FMR1NB: variants seen among roughly 807,000 people sequenced by gnomAD.
FMR1NB encodes the protein FMR1 neighbor.
In FMR1NB, 10 loss-of-function variants were observed where a neutral mutation model predicts 16.8. The ratio of observed to expected loss-of-function variants is 0.60; its 90% CI spans 0.37 to 1.01. FMR1NB has a LOEUF of 1.01. Among genes scored for constraint, FMR1NB ranks in the 50% least tolerant of loss-of-function variants. The pLI, the probability that FMR1NB is intolerant of heterozygous loss-of-function variation, is 0.01. For missense variants in FMR1NB, 205 were observed against 204.8 expected (o/e 1.00, Z 0.00); for synonymous variants, 83 against 79.1 (o/e 1.05, Z -0.26).
intron 1 of FMR1NB, among the ~76,000 whole-genome samples, chrX:147,991,784 TC>T (rs1417048571): frequency 9.3e-6 from 1 of 107,613 alleles, no homozygotes; most frequent in Non-Finnish European, 1.9e-5. Flanking sequence ...TCTCTGGTTT[TC>T]CTAGGCAGAG....
chrX:147,997,507 A>G (rs1293427471), intron 1 of FMR1NB, among the ~76,000 whole-genome samples: 1 of 112,516 alleles, frequency 8.9e-6, no homozygotes, highest in Non-Finnish European at 1.9e-5. Flanking sequence ...TAAAAACCCT[A>G]GAAGAAAACC....
intron 4 of FMR1NB, among the ~76,000 whole-genome samples, chrX:148,018,501 G>A (rs180800231): frequency 9.0e-6 from 1 of 111,523 alleles, no homozygotes. Context: ...ACAGAACAGA[G>A]CCCTCAGAAG....
At chrX:147,999,704 T>C (rs2044561508) in intron 1 of FMR1NB, among the ~76,000 whole-genome samples, 1 of 111,558 alleles carries the variant, frequency 9.0e-6, no homozygotes, top group Admixed American at 9.6e-5. Flanking sequence ...TGTAGTAAGC[T>C]CCATGAGGGC....
At chrX:148,012,177 G>C (rs1393659979) in intron 4 of FMR1NB, among the ~76,000 whole-genome samples, 3 of 82,245 alleles carry the variant, frequency 3.6e-5, no homozygotes, top group Non-Finnish European at 7.0e-5. Context: ...GGAATTCTAA[G>C]GGGAAGAGAA....
chrX:148,002,502 GATA>G (rs1392442806), intron 1 of FMR1NB, among the ~76,000 whole-genome samples: 3 of 111,867 alleles, frequency 2.7e-5, no homozygotes, highest in Non-Finnish European at 5.6e-5. Context: ...AAGCTTCAGT[GATA>G]ATCATTGCAA....
At chrX:147,982,790 A>G (rs2044456963) in intron 1 of FMR1NB, among the ~76,000 whole-genome samples, 1 of 109,698 alleles carries the variant, frequency 9.1e-6, no homozygotes, top group Admixed American at 9.7e-5. Flanking sequence ...GCTACTTGGG[A>G]GGCTGAGGCC....
chrX:147,988,603 C>T (rs2044488549), intron 1 of FMR1NB, among the ~76,000 whole-genome samples: 1 of 111,665 alleles, frequency 9.0e-6, no homozygotes, highest in Admixed American at 9.5e-5. Flanking sequence ...AGTGTGTTTT[C>T]CAACTTTGTT....
chrX:147,997,692 T>C (rs2124617346), intron 1 of FMR1NB, among the ~76,000 whole-genome samples: 1 of 110,972 alleles, frequency 9.0e-6, no homozygotes, highest in African/African-American at 3.3e-5. Flanking sequence ...TGGGAGAAAA[T>C]TTTTGCAATC....
rs1015044759 is a variant in FMR1NB, at chrX:147,981,619, A to T, written c.217A>T (p.Met73Leu). Residue 73 changes from methionine (M) to leucine (L), a missense_variant, in exon 1 of 6, where the codon ATG becomes TTG. Met to Leu is a conservative substitution (Grantham distance 15, BLOSUM62 2). Coordinates refer to ENST00000370467, the MANE Select transcript of FMR1NB (RefSeq NM_152578.3). ...GGTCAGCAAACCCTTTGGGATGCTC[A>T]TGCTCTCCATTTGGATCCTGCTGTT... ...MRVSKPFGML[M>L]LSIWILLFVC... 1 of 1,206,551 alleles carries T rather than the reference A, an allele frequency of 8.3e-7. No homozygotes were observed. The highest frequency in any genetic ancestry group is 1.8e-5 in the African/African-American group (1 of 56,142).
At position 148,018,010 on chromosome X, in the gene FMR1NB, G is replaced by A. The variant is rs782494066; in HGVS notation, c.633-6855G>A. Among the ~76,000 whole-genome samples the A allele has an allele frequency of 2.8e-5, 3 of 106,470 alleles. No homozygotes were observed. In the Admixed American group the frequency reaches 3.0e-4, roughly 11 times the overall value. 92.5% of individuals were successfully genotyped at this position (106,470 alleles called of 115,157 possible). The stretch of plus-strand genomic sequence containing the variant: ...TGCCGCAATAAACATACGTGTGCAT[G>A]TGTCTTTATAGCAGCATGATTTATA... On this transcript the variant is annotated intron_variant, in intron 4 of 5. Coordinates refer to ENST00000370467, the MANE Select transcript of FMR1NB (RefSeq NM_152578.3).
At chrX:148,005,884 A>G (rs1557189049) in intron 2 of FMR1NB, among the ~76,000 whole-genome samples, 1 of 112,442 alleles carries the variant, frequency 8.9e-6, no homozygotes, top group African/African-American at 3.2e-5. Context: ...TGATTATAAA[A>G]TATCAGTTAC....
In FMR1NB at chrX:147,987,711, A is replaced by G. The variant is rs781907004; in HGVS notation, c.277+6032A>G. ...TGTAGGAATTTGTTTTATGAATCTGAGTGCTCCTGTATTGGGTGCATATGT... is the reference window on the plus strand; with the variant it reads ...TGTAGGAATTTGTTTTATGAATCTGGGTGCTCCTGTATTGGGTGCATATGT... On this transcript the variant is annotated intron_variant, in intron 1 of 5. Transcript: ENST00000370467. 2.2e-3 allele frequency among the ~76,000 whole-genome samples: 250 copies of G among 111,395 alleles called. 2 individuals are homozygous for G. Among genetic ancestry groups the G allele is most frequent in the African/African-American group, 7.9e-3 (242 of 30,647 alleles).
intron 2 of FMR1NB, 107 bp from the exon 3 acceptor site, chrX:148,006,595 G>A (rs1253707400): frequency 2.4e-6 from 2 of 836,699 alleles, no homozygotes; most frequent in East Asian, 3.2e-5. Flanking sequence ...AGCTGTATAT[G>A]CCATTAAATG....
chrX:148,022,664 AG>A (rs2044685283), intron 4 of FMR1NB, among the ~76,000 whole-genome samples: 1 of 111,460 alleles, frequency 9.0e-6, no homozygotes, highest in African/African-American at 3.3e-5. Flanking sequence ...ATTGCCTATT[AG>A]GTAGAATAGC....
Position 147,994,553 on chromosome X carries a change from A to T in FMR1NB, c.278-8648A>T, listed in dbSNP as rs564698394. 4.4e-4 allele frequency among the ~76,000 whole-genome samples: 50 copies of T among 112,508 alleles called. 2 individuals are homozygous for T. The South Asian group carries it at 0.018, about 41-fold the overall frequency. On this transcript the variant is annotated intron_variant, in intron 1 of 5. Coordinates refer to ENST00000370467, the MANE Select transcript of FMR1NB (RefSeq NM_152578.3). ...CTGTATTTGTAATAGTACAATACTA[A>T]AAGTCTTCTTATCCTCTAAAAAAGT...
intron 1 of FMR1NB, among the ~76,000 whole-genome samples, chrX:147,996,979 TA>T (rs1199727863): frequency 8.9e-6 from 1 of 111,887 alleles, no homozygotes; most frequent in African/African-American, 3.2e-5. Flanking sequence ...AGGATGACAT[TA>T]TTCTTCATAT....
chrX:147,989,171 G>T (rs904664427), intron 1 of FMR1NB, among the ~76,000 whole-genome samples: 1 of 111,734 alleles, frequency 8.9e-6, no homozygotes, highest in Admixed American at 9.5e-5. Context: ...GAAGAACTTT[G>T]GATGGGATTT....
Position 148,003,336 on chromosome X carries a change from A to T in FMR1NB, c.397+16A>T. On this transcript the variant is annotated intron_variant, in intron 2 of 5. Coordinates refer to ENST00000370467, the MANE Select transcript of FMR1NB (RefSeq NM_152578.3). Reference sequence around the variant, plus strand: ...TTTCCAACAAGTAAGTTCTTGTTTGATTTTTTTCCCCCTCTAATGTTCTTG... The same window carrying T: ...TTTCCAACAAGTAAGTTCTTGTTTGTTTTTTTTCCCCCTCTAATGTTCTTG... 8.3e-7 allele frequency: 1 copy of T among 1,205,674 alleles called. No homozygotes were observed. The highest frequency in any genetic ancestry group is 1.1e-6 in the Non-Finnish European group (1 of 891,619).
chrX:148,010,959 T>A (rs782338279), intron 4 of FMR1NB, among the ~76,000 whole-genome samples: 1 of 111,401 alleles, frequency 9.0e-6, no homozygotes, highest in Admixed American at 9.6e-5. Flanking sequence ...GTGCCTTTTT[T>A]AAGGATCACC....
Sources: gnomAD v4.1 joint callset for allele counts (sites outside exome capture counted in the v4.1 genomes callset) on GRCh38, gnomAD v4.1.1 for gene constraint, MANE v1.5 for transcripts, NCBI Gene and HGNC (gene_info 2026-07-23, HGNC 2026-07-21) for gene names.